Variants in ATP9B observed in about 807,000 individuals in gnomAD.
ATP9B encodes the protein ATPase phospholipid transporting 9B.
In ATP9B, 110 loss-of-function variants were observed where a neutral mutation model predicts 146.1. The ratio of observed to expected loss-of-function variants is 0.75; its 90% CI spans 0.65 to 0.88. The LOEUF is 0.88. Ranked by LOEUF, ATP9B falls within the 40% of genes least tolerant of loss-of-function variation. The pLI is 0.00. For missense variants in ATP9B, 1,499 were observed against 1,496.4 expected (o/e 1.00, Z -0.03); for synonymous variants, 604 against 569.7 (o/e 1.06, Z -0.86).
intron 15 of ATP9B, among the ~76,000 whole-genome samples, chr18:79,324,383 A>G (rs1317310132): frequency 6.6e-6 from 1 of 152,176 alleles, no homozygotes; most frequent in Non-Finnish European, 1.5e-5. Flanking sequence ...CTTTGCCCAG[A>G]CCAAAGTGCC....
rs765747731 is a variant in ATP9B, at chr18:79,069,450, G to C, written c.40G>C (p.Ala14Pro). 17 of 1,514,198 alleles carry C rather than the reference G, an allele frequency of 1.1e-5. No individual in the cohort carries two copies. In the African/African-American group the frequency reaches 2.2e-4, roughly 19 times the overall value. The allele number at this position is 1,514,198 out of a possible 1,614,324, so 93.8% of individuals were successfully genotyped here. A position where few individuals can be genotyped will look rare whatever the true frequency, so the allele number is the denominator to read the frequency against. The change falls in exon 1 of 30, where the codon GCG becomes CCG. Residue 14 changes from alanine (A) to proline (P), a missense_variant. Ala to Pro is a conservative substitution (Grantham distance 27). Transcript: ENST00000426216. ...CCCGCTTTACCCGGTGCGTAGCGCA[G>C]CGGCGGCCGCAGCCAACCGCAAACG... ...QIPLYPVRSA[A>P]AAAANRKRAA... is the part of the protein sequence containing the mutation.
chr18:79,238,761 G>C (rs1474295952), intron 11 of ATP9B, among the ~76,000 whole-genome samples: 1 of 152,194 alleles, frequency 6.6e-6, no homozygotes, highest in African/African-American at 2.4e-5. Context: ...TCCTCCTGCT[G>C]TTGGGGTGGT....
At chr18:79,295,722 G>A (rs981522702) in intron 13 of ATP9B, among the ~76,000 whole-genome samples, 2 of 152,186 alleles carry the variant, frequency 1.3e-5, no homozygotes, top group Non-Finnish European at 2.9e-5. Flanking sequence ...CCAGATGATG[G>A]CATAGTACTA....
At chr18:79,237,421 G>A (rs2095852033) in intron 11 of ATP9B, among the ~76,000 whole-genome samples, 2 of 152,258 alleles carry the variant, frequency 1.3e-5, no homozygotes, top group South Asian at 4.1e-4. Flanking sequence ...CAGTGTCCAC[G>A]CACAGTGGGT....
rs540578215 is a variant in ATP9B, at chr18:79,164,710, C to T, written c.778+10155C>T. On this transcript the variant is annotated intron_variant, in intron 7 of 29. Transcript: ENST00000426216. The stretch of plus-strand genomic sequence containing the variant: ...CTCCAGGCTGGGTGACAGAGCGAGA[C>T]TCCATCTCAAAAAATAAAATAAAAT... Among the ~76,000 whole-genome samples the T allele has an allele frequency of 3.9e-5, 6 of 152,156 alleles. No individual in the cohort carries two copies. In the South Asian group the frequency reaches 8.3e-4, roughly 21 times the overall value.
chr18:79,179,271 C>G (rs541602887), intron 8 of ATP9B, among the ~76,000 whole-genome samples: 58 of 151,940 alleles, frequency 3.8e-4, no homozygotes, highest in African/African-American at 1.4e-3. Flanking sequence ...ATTGTTTGTT[C>G]ATTTTCTGTG....
chr18:79,219,759 C>CA (rs888332790), intron 11 of ATP9B, among the ~76,000 whole-genome samples: 4 of 152,082 alleles, frequency 2.6e-5, no homozygotes. Context: ...TGACAATTCA[C>CA]AAAATTGCTT....
rs936328909 is a variant in ATP9B at position 79,097,753 on chromosome 18, C to T, written c.293+1104C>T. Among the ~76,000 whole-genome samples the T allele has an allele frequency of 1.4e-4, 20 of 144,548 alleles. 1 individual carries two copies. The highest frequency in any genetic ancestry group is 2.7e-4 in the Non-Finnish European group (18 of 66,904). The allele number at this position is 144,548 out of a possible 152,430, so 94.8% of individuals were successfully genotyped here. A position where few individuals can be genotyped will look rare whatever the true frequency, so the allele number is the denominator to read the frequency against. ...AGTATTCCATGGTGTATATGTGCCACGTTTTCTTAATCCAGTCTATCATTG... is the reference window on the plus strand; with the variant it reads ...AGTATTCCATGGTGTATATGTGCCATGTTTTCTTAATCCAGTCTATCATTG... On this transcript the variant is annotated intron_variant, in intron 2 of 29. Transcript: ENST00000426216.
chr18:79,158,614 A>AT (rs751996667), intron 7 of ATP9B, among the ~76,000 whole-genome samples: 32 of 152,350 alleles, frequency 2.1e-4, no homozygotes, highest in Admixed American at 9.2e-4. Flanking sequence ...TTATTAATGA[A>AT]TATGAATTTC....
chr18:79,376,046 C>T lies in ATP9B; in HGVS notation c.3307+620C>T, dbSNP rs562722893. The T allele has an allele frequency of 2.0e-5, 20 of 985,116 alleles. 1 individual carries two copies. The African/African-American group carries it at 3.0e-4, about 15-fold the overall frequency. The allele number at this position is 985,116 out of a possible 1,614,324, so 61.0% of individuals were successfully genotyped here. A position where few individuals can be genotyped will look rare whatever the true frequency, so the allele number is the denominator to read the frequency against. On this transcript the variant is annotated intron_variant, in intron 29 of 29. Coordinates refer to ENST00000426216, the MANE Select transcript of ATP9B (RefSeq NM_198531.5). Reference sequence around the variant, plus strand: ...ATGCTGGGAGGGTGACAGGCGAGAACATTCTCTGGGTGGGCCGGGCTCAGA... The same window carrying T: ...ATGCTGGGAGGGTGACAGGCGAGAATATTCTCTGGGTGGGCCGGGCTCAGA...
At chr18:79,362,136 A>G (rs1490094624) in intron 26 of ATP9B, 1 of 152,252 alleles carries the variant, frequency 6.6e-6, no homozygotes. Flanking sequence ...GAGGCAAGGC[A>G]TGCATTCCCT....
chr18:79,258,036 A>G (rs1466180176), intron 12 of ATP9B, among the ~76,000 whole-genome samples: 3 of 152,216 alleles, frequency 2.0e-5, no homozygotes, highest in South Asian at 4.1e-4. Flanking sequence ...AAAATAACAT[A>G]GAAAGATTTG....
intron 7 of ATP9B, among the ~76,000 whole-genome samples, chr18:79,170,905 C>G (rs980349300): frequency 6.6e-6 from 1 of 152,188 alleles, no homozygotes; most frequent in African/African-American, 2.4e-5. Flanking sequence ...CTGAATCTTG[C>G]TTTCAAAACT....
chr18:79,160,685 C>T (rs141722276), intron 7 of ATP9B, among the ~76,000 whole-genome samples: 1 of 152,328 alleles, frequency 6.6e-6, no homozygotes, highest in East Asian at 1.9e-4. Context: ...GAAGAGGAAT[C>T]TGAGGGCTGG....
chr18:79,201,155 G>T (rs569176472), intron 9 of ATP9B, among the ~76,000 whole-genome samples: 42 of 152,324 alleles, frequency 2.8e-4, no homozygotes, highest in African/African-American at 9.4e-4. Context: ...CATTCACACA[G>T]ATAGCCTTTC....
intron 5 of ATP9B, among the ~76,000 whole-genome samples, chr18:79,126,626 G>A (rs1599744630): frequency 6.6e-6 from 1 of 152,226 alleles, no homozygotes; most frequent in Non-Finnish European, 1.5e-5. Flanking sequence ...ACACAAGCAT[G>A]TACATGTATT....
Position 79,235,904 on chromosome 18 carries a change from T to TGG in ATP9B, c.1108-17476_1108-17475insGG, listed in dbSNP as rs1210795790. 7.9e-5 allele frequency among the ~76,000 whole-genome samples: 12 copies of TGG among 152,316 alleles called. No homozygotes were observed. In the South Asian group the frequency reaches 1.7e-3, roughly 21 times the overall value. ...ATGCAGCCACGGATTTCTACATCTT[T>TGG]GATCTCTGGGTTCTTTGGGCTTTTT... On this transcript the variant is annotated intron_variant, in intron 11 of 29. Coordinates refer to ENST00000426216, the MANE Select transcript of ATP9B (RefSeq NM_198531.5).
chr18:79,089,224 A>G (rs118072776), intron 1 of ATP9B, among the ~76,000 whole-genome samples: 3,686 of 152,260 alleles, frequency 0.024, 82 homozygotes, highest in Non-Finnish European at 0.036. Flanking sequence ...TTATGTAACT[A>G]AATACCACCT....
chr18:79,328,523 G>A lies in ATP9B; in HGVS notation c.1774-618G>A, dbSNP rs77231231. Among the ~76,000 whole-genome samples the A allele has an allele frequency of 2.6e-5, 4 of 152,290 alleles. No homozygotes were observed. In the East Asian group the frequency reaches 7.7e-4, roughly 29 times the overall value. ...TGGAAGGCCATTTTTCCACATGACA[G>A]AAGAGGAGCGTGGCCCCAGCAGAGT... is the stretch of plus-strand genomic sequence containing the variant. On this transcript the variant is annotated intron_variant, in intron 15 of 29. Transcript: ENST00000426216.
Sources: gnomAD v4.1 joint callset for allele counts (sites outside exome capture counted in the v4.1 genomes callset) on GRCh38, gnomAD v4.1.1 for gene constraint, MANE v1.5 for transcripts, NCBI Gene and HGNC (gene_info 2026-07-23, HGNC 2026-07-21) for gene names.